Variants in TNS1 observed in about 807,000 individuals in gnomAD.
TNS1 encodes tensin 1, also known as tensin-1.
TNS1 carries 62 observed loss-of-function variants against 168.6 expected under a neutral mutation model. The observed-to-expected ratio is 0.37, with a 90% CI of 0.30 to 0.45. The LOEUF (loss-of-function observed/expected upper bound fraction) is 0.45. Among genes scored for constraint, TNS1 ranks in the 20% least tolerant of loss-of-function variants. The pLI, the probability that TNS1 is intolerant of heterozygous loss-of-function variation, is 1.00. For missense variants in TNS1, 2,240 were observed against 2,339.4 expected, an observed-to-expected ratio of 0.96 and a Z score of 0.88; for synonymous variants, 934 against 933.2, an observed-to-expected ratio of 1.00 and a Z score of -0.02.
At chr2:217,977,736 C>T (rs980981038) in intron 3 of TNS1, among the ~76,000 whole-genome samples, 36 of 152,168 alleles carry the variant, frequency 2.4e-4, no homozygotes, top group African/African-American at 8.7e-4. Flanking sequence ...GGCCACCCAG[C>T]TAATAAGAAG....
At chr2:218,030,876 A>G (rs1234405070) in intron 1 of TNS1, among the ~76,000 whole-genome samples, 1 of 151,958 alleles carries the variant, frequency 6.6e-6, no homozygotes, top group African/African-American at 2.4e-5. Context: ...TGTGTGTGAG[A>G]CTGTGTGTAA....
At chr2:217,982,689 C>G (rs527301003) in intron 2 of TNS1, among the ~76,000 whole-genome samples, 3 of 152,192 alleles carry the variant, frequency 2.0e-5, no homozygotes, top group African/African-American at 7.2e-5. Flanking sequence ...AGGAGTGAAC[C>G]ATGGACCCAG....
intron 14 of TNS1, 74 bp from the exon 15 acceptor site, chr2:217,885,893 T>C (rs1951151813): frequency 6.4e-7 from 1 of 1,558,496 alleles, no homozygotes; most frequent in African/African-American, 1.4e-5. Flanking sequence ...TTCTCCCTGC[T>C]GCCCCTACGC....
intron 5 of TNS1, among the ~76,000 whole-genome samples, chr2:217,906,589 C>G (rs1002965085): frequency 1.3e-5 from 2 of 152,200 alleles, no homozygotes; most frequent in Non-Finnish European, 2.9e-5. Context: ...CACAGCCACT[C>G]CTGTGGGAGA....
chr2:217,809,964 A>T lies in TNS1; in HGVS notation c.5132T>A (p.Val1711Glu). The T allele has an allele frequency of 6.2e-7, 1 of 1,612,298 alleles. No homozygotes were observed. The highest frequency in any genetic ancestry group is 8.5e-7 in the Non-Finnish European group (1 of 1,178,660). The change falls in exon 30 of 33, where the codon GTG becomes GAG. Residue 1711 changes from valine to glutamate, a missense_variant. Around this residue, in one of 2 missense-constraint regions of TNS1, gnomAD observed 109 missense variants for 168.1 expected, o/e 0.65. Coordinates refer to ENST00000682258, the MANE Select transcript of TNS1 (RefSeq NM_001387777.1). ...TGGCCCAGTGAGTGACTCCATGTCC[A>T]CAGAGTTGACGAAGAGCACATTGCA... ...AACNVLFVNS[V>E]DMESLTGPQA...
In TNS1 at chr2:217,966,308, T is replaced by TGTGTGCGC. The variant is rs372273499; in HGVS notation, c.186+12456_186+12457insGCGCACAC. Among the ~76,000 whole-genome samples, 12 of 133,748 alleles carry TGTGTGCGC rather than the reference T, an allele frequency of 9.0e-5. No individual in the cohort carries two copies. The South Asian group carries it at 9.7e-4, about 11-fold the overall frequency. 87.7% of individuals were successfully genotyped at this position (133,748 alleles called of 152,430 possible). ...GTGTGTGTGTGTGTGTGTGTGTGTG[T>TGTGTGCGC]GCGCGCGCGCGCGTGTGTAAGGAGA... On this transcript the variant is annotated intron_variant, in intron 3 of 32. Coordinates refer to ENST00000682258, the MANE Select transcript of TNS1 (RefSeq NM_001387777.1).
At chr2:217,932,434 A>G (rs1956372299) in intron 3 of TNS1, among the ~76,000 whole-genome samples, 1 of 152,164 alleles carries the variant, frequency 6.6e-6, no homozygotes, top group African/African-American at 2.4e-5. Flanking sequence ...GCCATCAGTA[A>G]AATTGTCTGG....
chr2:217,887,850 G>T (rs114376018), intron 12 of TNS1, among the ~76,000 whole-genome samples: 1 of 152,222 alleles, frequency 6.6e-6, no homozygotes, highest in Admixed American at 6.5e-5. Context: ...GTCCTTCTGC[G>T]TCGATTGGTC....
intron 16 of TNS1, among the ~76,000 whole-genome samples, 194 bp from the exon 17 acceptor site, chr2:217,882,605 C>T (rs1267315206): frequency 1.3e-5 from 2 of 152,088 alleles, no homozygotes; most frequent in African/African-American, 4.8e-5. Context: ...CCCACTCTAG[C>T]CCCTGTCCTA....
At position 217,979,082 on chromosome 2, in the gene TNS1, G is replaced by A. The variant is rs111487412; in HGVS notation, c.149-280C>T. 2,329 of 443,952 alleles carry A rather than the reference G, an allele frequency of 5.2e-3. 44 individuals carry two copies. The highest frequency in any genetic ancestry group is 0.04 in the African/African-American group (1,919 of 48,270). The allele number at this position is 443,952 out of a possible 1,614,324, so 27.5% of individuals were successfully genotyped here. On this transcript the variant is annotated intron_variant, in intron 2 of 32. Transcript: ENST00000682258. Reference sequence around the variant, plus strand: ...GTGCGGGAAGGTGGGGGGAGCAAAGGGGGGGGTCCCCCACTGGACCCCTGC... The same window carrying A: ...GTGCGGGAAGGTGGGGGGAGCAAAGAGGGGGGTCCCCCACTGGACCCCTGC...
chr2:217,866,534 C>T (rs1276718033), intron 18 of TNS1, among the ~76,000 whole-genome samples: 2 of 152,184 alleles, frequency 1.3e-5, no homozygotes, highest in Non-Finnish European at 2.9e-5. Context: ...TAAACACACA[C>T]CAGGCTGCAG....
chr2:217,831,834 C>T (rs1262660278), intron 21 of TNS1, among the ~76,000 whole-genome samples: 1 of 152,164 alleles, frequency 6.6e-6, no homozygotes, highest in Non-Finnish European at 1.5e-5. Flanking sequence ...CTTAGCTTCT[C>T]GCTGCAGTCC....
chr2:217,830,652 G>A (rs539791301), intron 22 of TNS1, among the ~76,000 whole-genome samples: 1 of 152,366 alleles, frequency 6.6e-6, no homozygotes, highest in South Asian at 2.1e-4. Flanking sequence ...AACAGGACAG[G>A]CTGTTTGACC....
intron 3 of TNS1, among the ~76,000 whole-genome samples, chr2:217,943,702 C>T (rs1010891312): frequency 6.6e-6 from 1 of 152,264 alleles, no homozygotes; most frequent in African/African-American, 2.4e-5. Flanking sequence ...GACATGGGAA[C>T]AGGCAGGCTG....
At chr2:217,862,723 C>T (rs1363420193) in intron 18 of TNS1, among the ~76,000 whole-genome samples, 1 of 151,996 alleles carries the variant, frequency 6.6e-6, no homozygotes, top group African/African-American at 2.4e-5. Flanking sequence ...GAGATTGCCA[C>T]CAGGGCCCCT....
rs948222798 is a variant in TNS1, at chr2:217,840,762, G to A, written c.3008-4551C>T. Among the ~76,000 whole-genome samples the A allele has an allele frequency of 9.2e-5, 14 of 152,360 alleles. No individual in the cohort carries two copies. The East Asian group carries it at 1.7e-3, about 19-fold the overall frequency. On this transcript the variant is annotated intron_variant, in intron 19 of 32. Coordinates refer to ENST00000682258, the MANE Select transcript of TNS1 (RefSeq NM_001387777.1). ...CCCAGGCAGTCTGGCCAGGGTGGCCGGAGTGCTGGACTGTCCAGAGCCCTC... is the reference window on the plus strand; with the variant it reads ...CCCAGGCAGTCTGGCCAGGGTGGCCAGAGTGCTGGACTGTCCAGAGCCCTC...
At chr2:218,028,520 G>A (rs1484431104) in intron 1 of TNS1, among the ~76,000 whole-genome samples, 2 of 152,178 alleles carry the variant, frequency 1.3e-5, no homozygotes, top group Admixed American at 1.3e-4. Flanking sequence ...CTAAGTGCCT[G>A]GGATACCAGG....
At chr2:217,931,132 G>A (rs576334026) in intron 3 of TNS1, among the ~76,000 whole-genome samples, 8 of 152,298 alleles carry the variant, frequency 5.3e-5, no homozygotes, top group African/African-American at 9.6e-5. Flanking sequence ...GTGGCCCGGT[G>A]GGGGAGACAG....
rs1205912334 is a variant in TNS1 at position 217,801,518 on chromosome 2, T to C, written c.*2941A>G. The C allele has an allele frequency of 6.6e-6, 1 of 152,156 alleles. No individual in the cohort carries two copies. Among genetic ancestry groups the C allele is most frequent in the East Asian group, 1.9e-4 (1 of 5,158 alleles). The allele number at this position is 152,156 out of a possible 1,614,324, so 9.4% of individuals were successfully genotyped here. ...CCAGACCCTTTCCCATCCCAGCCCA[T>C]GTTCAAGGCCAGACAGCGCTCTCCT... On this transcript the variant is annotated 3_prime_UTR_variant, in exon 33 of 33. Transcript: ENST00000682258.
Sources: allele counts gnomAD v4.1 joint callset (sites outside exome capture counted in the v4.1 genomes callset), GRCh38; gene constraint gnomAD v4.1.1; regional missense constraint gnomAD v4.1.1; transcripts MANE v1.5; gene names NCBI Gene and HGNC (gene_info 2026-07-23, HGNC 2026-07-21).